The following IL1RAPL1 variants were observed in gnomAD, a reference collection of about 807,000 sequenced individuals.
IL1RAPL1 encodes the protein interleukin-1 receptor accessory protein-like 1.
IL1RAPL1 carries 3 observed loss-of-function variants against 48.4 expected under a neutral mutation model. The ratio of observed to expected loss-of-function variants is 0.06; its 90% CI spans 0.03 to 0.16. The LOEUF (loss-of-function observed/expected upper bound fraction) is 0.16, where lower values mean the gene tolerates loss of function less well. IL1RAPL1 is among the 10% of genes least tolerant of loss of function. IL1RAPL1 has a pLI of 1.00. For missense variants in IL1RAPL1, 349 were observed against 530.6 expected (o/e 0.66, Z 3.36); for synonymous variants, 185 against 187.7 (o/e 0.99, Z 0.12).
Position 29,562,107 on chromosome X carries a change from ATCTATCTAATCTATCTATCTATCT to A in IL1RAPL1, c.704-106322_704-106299del, listed in dbSNP as rs1238250894. Among the ~76,000 whole-genome samples, 191 of 79,676 alleles carry A rather than the reference ATCTATCTAATCTATCTATCTATCT, an allele frequency of 2.4e-3. 1 individual carries two copies. The highest frequency in any genetic ancestry group is 9.8e-3 in the African/African-American group (163 of 16,698). The allele number at this position is 79,676 out of a possible 115,157, so 69.2% of individuals were successfully genotyped here. A position where few individuals can be genotyped will look rare whatever the true frequency, so the allele number is the denominator to read the frequency against. On this transcript the variant is annotated intron_variant, in intron 5 of 10. Transcript: ENST00000378993. Reference sequence around the variant, plus strand: ...AATCTATCTGTCTATCTATCTATCTATCTATCTAATCTATCTATCTATCTATCTATCTATCTATCTATCTATCTA... The same window carrying A: ...AATCTATCTGTCTATCTATCTATCTAATCTATCTATCTATCTATCTATCTA...
intron 6 of IL1RAPL1, among the ~76,000 whole-genome samples, chrX:29,749,002 A>G (rs763177260): frequency 1.8e-5 from 2 of 112,907 alleles, no homozygotes; most frequent in Non-Finnish European, 3.7e-5. Context: ...GAGAATTTAA[A>G]CAAAGGACAT....
intron 2 of IL1RAPL1, among the ~76,000 whole-genome samples, chrX:29,226,444 C>CTTTTTT (rs57929074): frequency 2.3e-5 from 2 of 86,883 alleles, no homozygotes; most frequent in Non-Finnish European, 4.4e-5. Flanking sequence ...TTCTTTCTTT[C>CTTTTTT]TTTTTTTTTT....
intron 2 of IL1RAPL1, among the ~76,000 whole-genome samples, chrX:29,110,852 C>T (rs985265664): frequency 4.5e-5 from 5 of 111,211 alleles, no homozygotes; most frequent in African/African-American, 6.5e-5. Flanking sequence ...TCAGCTGATA[C>T]TGGTTTCATT....
chrX:28,642,722 GAC>G (rs1934561539), intron 1 of IL1RAPL1, among the ~76,000 whole-genome samples: 1 of 111,299 alleles, frequency 9.0e-6, no homozygotes, highest in African/African-American at 3.3e-5. Context: ...ATCTAAAATT[GAC>G]ACCCTAACAT....
intron 5 of IL1RAPL1, among the ~76,000 whole-genome samples, chrX:29,662,893 C>T (rs1165226328): frequency 1.8e-5 from 2 of 111,867 alleles, no homozygotes; most frequent in East Asian, 2.8e-4. Context: ...TGGTTAGTCA[C>T]CACAATTATT....
chrX:28,776,378 A>G (rs1936362843), intron 1 of IL1RAPL1, among the ~76,000 whole-genome samples: 1 of 111,991 alleles, frequency 8.9e-6, no homozygotes, highest in Admixed American at 9.5e-5. Context: ...AAAGCAATTT[A>G]TATTCTCTTT....
In IL1RAPL1 at chrX:29,553,117, C is replaced by T. The variant is rs184682805; in HGVS notation, c.704-115313C>T. Among the ~76,000 whole-genome samples the T allele has an allele frequency of 1.7e-4, 19 of 111,616 alleles. No homozygotes were observed. The South Asian group carries it at 1.9e-3, about 11-fold the overall frequency. ...CATACCTGAGTCTGATTCTGATGCT[C>T]GCTTTGTCTTTTCAGACAATGTTTT... On this transcript the variant is annotated intron_variant, in intron 5 of 10. Coordinates refer to ENST00000378993, the MANE Select transcript of IL1RAPL1 (RefSeq NM_014271.4).
At position 29,756,713 on chromosome X, in the gene IL1RAPL1, G is replaced by A. The variant is rs182054681; in HGVS notation, c.778+88209G>A. ...CAGGCATGAGCCACCATGCCCGGTC[G>A]CATATATCACTTTTATAATCTGTTA... On this transcript the variant is annotated intron_variant, in intron 6 of 10. Coordinates refer to ENST00000378993, the MANE Select transcript of IL1RAPL1 (RefSeq NM_014271.4). 2.8e-3 allele frequency among the ~76,000 whole-genome samples: 313 copies of A among 111,849 alleles called. 2 individuals carry two copies. The highest frequency in any genetic ancestry group is 4.7e-3 in the Non-Finnish European group (247 of 53,100).
chrX:29,174,407 A>C (rs1258439196), intron 2 of IL1RAPL1, among the ~76,000 whole-genome samples: 1 of 112,343 alleles, frequency 8.9e-6, no homozygotes, highest in Non-Finnish European at 1.9e-5. Flanking sequence ...GGAGCCATAA[A>C]GGAAAATATA....
intron 5 of IL1RAPL1, among the ~76,000 whole-genome samples, chrX:29,428,026 T>A (rs933413018): frequency 2.7e-5 from 3 of 112,158 alleles, no homozygotes; most frequent in African/African-American, 6.5e-5. Flanking sequence ...GCTTGTGAGT[T>A]TAGAAGCACA....
In IL1RAPL1 at chrX:29,411,976, A is replaced by C. The variant is rs887825377; in HGVS notation, c.703+12668A>C. On this transcript the variant is annotated intron_variant, in intron 5 of 10. Transcript: ENST00000378993. ...TGTTCAATAAATATCCCTTGATAGA[A>C]TTATTGGTTTATGGCTGGGCATGGT... Among the ~76,000 whole-genome samples the C allele has an allele frequency of 3.6e-5, 4 of 111,743 alleles. No homozygotes were observed. In the South Asian group the frequency reaches 1.1e-3, roughly 31 times the overall value.
At chrX:29,677,066 C>T (rs1024251607) in intron 6 of IL1RAPL1, among the ~76,000 whole-genome samples, 1 of 111,619 alleles carries the variant, frequency 9.0e-6, no homozygotes, top group Non-Finnish European at 1.9e-5. Context: ...TGACTGATGT[C>T]CATTAAAATA....
intron 2 of IL1RAPL1, among the ~76,000 whole-genome samples, chrX:28,836,336 T>TTATATATATATATA (rs34343530): frequency 4.7e-5 from 4 of 85,331 alleles, no homozygotes; most frequent in African/African-American, 1.9e-4. Flanking sequence ...CTTCCCAATT[T>TTATATATATATATA]TATATATATA....
At chrX:28,917,772 G>A (rs1215932380) in intron 2 of IL1RAPL1, among the ~76,000 whole-genome samples, 1 of 112,235 alleles carries the variant, frequency 8.9e-6, no homozygotes, top group Non-Finnish European at 1.9e-5. Flanking sequence ...TATACCATAC[G>A]TAACATTTAC....
At chrX:29,848,667 G>A (rs959760666) in intron 6 of IL1RAPL1, among the ~76,000 whole-genome samples, 2 of 111,712 alleles carry the variant, frequency 1.8e-5, no homozygotes, top group Admixed American at 1.9e-4. Flanking sequence ...GCAATCAAGT[G>A]TGATAGAAAT....
chrX:29,333,585 A>C (rs1191767443), intron 3 of IL1RAPL1, among the ~76,000 whole-genome samples: 2 of 70,876 alleles, frequency 2.8e-5, no homozygotes, highest in African/African-American at 5.8e-5. Flanking sequence ...CGGGGGGCTG[A>C]CCCCCCCACC....
chrX:29,431,192 T>C (rs957882166), intron 5 of IL1RAPL1, among the ~76,000 whole-genome samples: 1 of 112,185 alleles, frequency 8.9e-6, no homozygotes, highest in Non-Finnish European at 1.9e-5. Flanking sequence ...CAATTTTGCA[T>C]GTGAGTATTC....
At chrX:29,925,102 G>T (rs901304431) in intron 8 of IL1RAPL1, among the ~76,000 whole-genome samples, 1 of 110,895 alleles carries the variant, frequency 9.0e-6, no homozygotes, top group Non-Finnish European at 1.9e-5. Flanking sequence ...CTTCTTTTGG[G>T]GCTGGCCATT....
At chrX:29,479,414 CAAAAAAAAA>C (rs3069570) in intron 5 of IL1RAPL1, among the ~76,000 whole-genome samples, 1 of 42,506 alleles carries the variant, frequency 2.4e-5, no homozygotes, top group Non-Finnish European at 4.2e-5. Flanking sequence ...GACCCTGTCT[CAAAAAAAAA>C]AAAAAAAATT....
Sources: allele counts gnomAD v4.1 joint callset (sites outside exome capture counted in the v4.1 genomes callset), GRCh38; gene constraint gnomAD v4.1.1; transcripts MANE v1.5; gene names NCBI Gene and HGNC (gene_info 2026-07-23, HGNC 2026-07-21).